Variants in NXPE2 observed in about 807,000 individuals in gnomAD.
NXPE2 encodes the protein neurexophilin and PC-esterase domain family member 2.
NXPE2 carries 34 observed loss-of-function variants against 34.4 expected under a neutral mutation model. That is an observed-to-expected ratio of 0.99 (90% CI 0.75 to 1.31). The LOEUF is 1.31. NXPE2 is among the 40% of genes most tolerant of loss of function. The pLI is 0.00. For synonymous variants in NXPE2, 235 were observed against 231.3 expected (o/e 1.02, Z -0.15); for missense variants, 649 against 672.5 (o/e 0.97, Z 0.39).
intron 2 of NXPE2, among the ~76,000 whole-genome samples, chr11:114,685,158 T>C (rs1951023011): frequency 6.6e-6 from 1 of 152,138 alleles, no homozygotes; most frequent in African/African-American, 2.4e-5. Context: ...ATATAAATCT[T>C]CAAAATATAT....
the NXPE2 span, among the ~76,000 whole-genome samples, chr11:114,740,042 T>C: frequency 6.6e-6 from 1 of 152,100 alleles, no homozygotes; most frequent in African/African-American, 2.4e-5. Context: ...ACTATATATA[T>C]ACTATGTTTT....
the NXPE2 span, among the ~76,000 whole-genome samples, chr11:114,776,642 C>T: frequency 6.6e-6 from 1 of 152,196 alleles, no homozygotes; most frequent in African/African-American, 2.4e-5. Flanking sequence ...CTGGGTGTTC[C>T]CTTTTTCCTT....
the NXPE2 span, among the ~76,000 whole-genome samples, chr11:114,648,483 G>T: frequency 3.3e-5 from 5 of 152,162 alleles, no homozygotes; most frequent in Non-Finnish European, 1.5e-5. Context: ...CATTGGGGAG[G>T]ACAATTTGCT....
the NXPE2 span, chr11:114,530,171 T>C: frequency 6.3e-7 from 1 of 1,593,396 alleles, no homozygotes; most frequent in Non-Finnish European, 8.5e-7. Context: ...AAAAGTATAC[T>C]CACCTGTGGA....
At chr11:114,557,395 CCATTTA>C in the NXPE2 span, among the ~76,000 whole-genome samples, 1 of 151,820 alleles carries the variant, frequency 6.6e-6, no homozygotes, top group African/African-American at 2.4e-5. Context: ...AAACTGTACT[CCATTTA>C]CATTTAACTC....
the NXPE2 span, among the ~76,000 whole-genome samples, chr11:114,479,870 TAGGAGGACATCCGCTTCTGACG>T: frequency 6.6e-6 from 1 of 152,102 alleles, no homozygotes; most frequent in Non-Finnish European, 1.5e-5. Flanking sequence ...ACAAGAAGCA[TAGGAGGACATCCGCTTCTGACG>T]AGGGGGTCAG....
the NXPE2 span, among the ~76,000 whole-genome samples, chr11:114,759,346 G>A: frequency 2.0e-5 from 3 of 152,166 alleles, no homozygotes; most frequent in African/African-American, 4.8e-5. Context: ...GCTGTTTCAT[G>A]TCTCTGTACC....
chr11:114,535,344 A>T, the NXPE2 span, among the ~76,000 whole-genome samples: 1 of 152,174 alleles, frequency 6.6e-6, no homozygotes, highest in Non-Finnish European at 1.5e-5. Flanking sequence ...ATTGTAAAGA[A>T]TATCAAGGCT....
At chr11:114,607,899 A>T in the NXPE2 span, among the ~76,000 whole-genome samples, 2 of 151,942 alleles carry the variant, frequency 1.3e-5, no homozygotes, top group Non-Finnish European at 2.9e-5. Context: ...CTCGTGGGTA[A>T]CCACAGTTAC....
the NXPE2 span, among the ~76,000 whole-genome samples, chr11:114,510,551 G>C: frequency 6.6e-6 from 1 of 152,168 alleles, no homozygotes; most frequent in Non-Finnish European, 1.5e-5. Flanking sequence ...GTTTTTAGAA[G>C]ATATGCTTGG....
the NXPE2 span, among the ~76,000 whole-genome samples, chr11:114,809,014 C>T: frequency 2.6e-5 from 4 of 152,300 alleles, no homozygotes; most frequent in South Asian, 6.2e-4. Flanking sequence ...TGGGCTTCAT[C>T]CCTGGGATGC....
chr11:114,596,689 C>G, the NXPE2 span, among the ~76,000 whole-genome samples: 1 of 152,010 alleles, frequency 6.6e-6, no homozygotes, highest in African/African-American at 2.4e-5. Context: ...CACTGAGGAG[C>G]CTATAATAAG....
the NXPE2 span, among the ~76,000 whole-genome samples, chr11:114,556,699 A>G: frequency 2.0e-5 from 3 of 151,480 alleles, no homozygotes; most frequent in Non-Finnish European, 4.4e-5. Context: ...TTTAAAATGT[A>G]TTTTTTTCCA....
At chr11:114,811,217 A>G in the NXPE2 span, among the ~76,000 whole-genome samples, 3 of 151,146 alleles carry the variant, frequency 2.0e-5, no homozygotes, top group African/African-American at 4.9e-5. Flanking sequence ...GATAGCATCA[A>G]GAGATATACC....
chr11:114,748,658 G>T, the NXPE2 span, among the ~76,000 whole-genome samples: 3,058 of 152,146 alleles, frequency 0.02, 99 homozygotes, highest in African/African-American at 0.071. Context: ...TCACATAAGC[G>T]ATCCTGTGTT....
At chr11:114,592,127 C>T in the NXPE2 span, among the ~76,000 whole-genome samples, 1 of 152,234 alleles carries the variant, frequency 6.6e-6, no homozygotes, top group East Asian at 1.9e-4. Context: ...TATTTTTGAA[C>T]ACTTTTTCCA....
the NXPE2 span, among the ~76,000 whole-genome samples, chr11:114,491,176 A>G: frequency 1.4e-5 from 2 of 145,894 alleles, 1 homozygote; most frequent in Non-Finnish European, 3.0e-5. Context: ...CTCAAAAAAA[A>G]AAAAAGAGTT....
chr11:114,558,516 G>A, the NXPE2 span, among the ~76,000 whole-genome samples: 1 of 152,136 alleles, frequency 6.6e-6, no homozygotes, highest in East Asian at 1.9e-4. Flanking sequence ...GAAAGTTTGT[G>A]AAGTGTTTCT....
chr11:114,580,489 C>G, the NXPE2 span: 1 of 638,902 alleles, frequency 1.6e-6, no homozygotes, highest in Non-Finnish European at 2.7e-6. Flanking sequence ...CTTAATGGAA[C>G]AGCTGTTTTT....
Sources: allele counts gnomAD v4.1 joint callset (sites outside exome capture counted in the v4.1 genomes callset), GRCh38; gene constraint gnomAD v4.1.1; transcripts MANE v1.5; gene names NCBI Gene and HGNC (gene_info 2026-07-23, HGNC 2026-07-21).